Variants in NDST4 observed in about 807,000 individuals in gnomAD.
NDST4 encodes N-deacetylase and N-sulfotransferase 4.
In NDST4, 63 loss-of-function variants were observed where a neutral mutation model predicts 100.8. That is an observed-to-expected ratio of 0.62 (90% CI 0.51 to 0.77). NDST4 has a LOEUF of 0.77. NDST4 is among the 30% of genes least tolerant of loss of function. The pLI, the probability that NDST4 is intolerant of heterozygous loss-of-function variation, is 0.00. For synonymous variants in NDST4, 377 were observed against 361.8 expected (o/e 1.04, Z -0.48); for missense variants, 943 against 1,018.4 (o/e 0.93, Z 1.01).
At chr4:115,073,077 GCTAA>G (rs1401313692) in intron 2 of NDST4, among the ~76,000 whole-genome samples, 15 of 151,758 alleles carry the variant, frequency 9.9e-5, no homozygotes, top group African/African-American at 2.4e-5. Context: ...AAATAACATC[GCTAA>G]CTATCAGGGA....
At chr4:114,869,536 A>C (rs533238944) in intron 7 of NDST4, among the ~76,000 whole-genome samples, 1 of 152,238 alleles carries the variant, frequency 6.6e-6, no homozygotes, top group South Asian at 2.1e-4. Context: ...GTGTGTTGAT[A>C]TATGCGCATA....
At chr4:115,026,592 T>C (rs140331719) in intron 2 of NDST4, among the ~76,000 whole-genome samples, 38 of 152,000 alleles carry the variant, frequency 2.5e-4, no homozygotes, top group African/African-American at 8.2e-4. Flanking sequence ...TAATTTACTC[T>C]CCAGTTCCCT....
intron 6 of NDST4, among the ~76,000 whole-genome samples, chr4:114,886,150 A>T (rs1390160791): frequency 6.6e-6 from 1 of 152,128 alleles, no homozygotes; most frequent in Non-Finnish European, 1.5e-5. Context: ...TTAAATGGTG[A>T]ACAATATATT....
intron 4 of NDST4, among the ~76,000 whole-genome samples, chr4:114,961,006 G>C (rs1037495561): frequency 1.3e-5 from 2 of 152,112 alleles, no homozygotes; most frequent in African/African-American, 4.8e-5. Flanking sequence ...GGGAGGAATA[G>C]AGTTATGTAA....
At chr4:114,999,009 G>A (rs890802971) in intron 2 of NDST4, among the ~76,000 whole-genome samples, 1 of 152,076 alleles carries the variant, frequency 6.6e-6, no homozygotes, top group East Asian at 1.9e-4. Flanking sequence ...TAAACTTCAT[G>A]AAGATGAGGT....
At chr4:114,900,644 T>C (rs1483289066) in intron 6 of NDST4, among the ~76,000 whole-genome samples, 1 of 152,174 alleles carries the variant, frequency 6.6e-6, no homozygotes, top group Non-Finnish European at 1.5e-5. Flanking sequence ...CTGAACTATA[T>C]AGCTTAGGTG....
intron 2 of NDST4, among the ~76,000 whole-genome samples, chr4:115,033,361 C>A (rs1255472598): frequency 6.6e-6 from 1 of 151,242 alleles, no homozygotes; most frequent in African/African-American, 2.4e-5. Context: ...AGTGATCTGC[C>A]CACCTCCACC....
At chr4:115,091,751 A>G (rs541254536) in intron 1 of NDST4, among the ~76,000 whole-genome samples, 39 of 152,296 alleles carry the variant, frequency 2.6e-4, no homozygotes, top group Non-Finnish European at 4.0e-4. Flanking sequence ...CTTGCAATGA[A>G]GTATACTCAG....
chr4:114,830,948 T>C (rs1472330743), intron 12 of NDST4, among the ~76,000 whole-genome samples: 1 of 152,226 alleles, frequency 6.6e-6, no homozygotes, highest in African/African-American at 2.4e-5. Flanking sequence ...ATTAGAGACC[T>C]GAACCTTGCA....
chr4:115,047,256 C>T lies in NDST4; in HGVS notation c.978+28803G>A, dbSNP rs142792361. Among the ~76,000 whole-genome samples the T allele has an allele frequency of 1.8e-4, 27 of 152,054 alleles. 1 individual carries two copies. The highest frequency in any genetic ancestry group is 7.2e-4 in the Admixed American group (11 of 15,280). ...ATAAAAATGAGTTTTATGTGTCAAA[C>T]ATTGTGTTTTAACAGTCAATATATT... On this transcript the variant is annotated intron_variant, in intron 2 of 13. Transcript: ENST00000264363.
At chr4:114,954,953 C>A (rs745632385) in intron 4 of NDST4, among the ~76,000 whole-genome samples, 1 of 152,090 alleles carries the variant, frequency 6.6e-6, no homozygotes, top group African/African-American at 2.4e-5. Flanking sequence ...ACCAGCTTTG[C>A]CTTCTACCAA....
chr4:115,097,932 A>G (rs891643769), intron 1 of NDST4, among the ~76,000 whole-genome samples: 1 of 152,176 alleles, frequency 6.6e-6, no homozygotes, highest in Non-Finnish European at 1.5e-5. Flanking sequence ...AACCAGATAT[A>G]AACATGGCAG....
intron 2 of NDST4, among the ~76,000 whole-genome samples, chr4:115,034,972 A>G (rs1170793544): frequency 6.6e-6 from 1 of 152,064 alleles, no homozygotes; most frequent in Non-Finnish European, 1.5e-5. Flanking sequence ...TTACAACCTG[A>G]AAGCTCATTC....
At chr4:114,921,490 T>C (rs1172013790) in intron 6 of NDST4, among the ~76,000 whole-genome samples, 2 of 152,206 alleles carry the variant, frequency 1.3e-5, no homozygotes, top group Non-Finnish European at 2.9e-5. Context: ...GGGCTTCTAA[T>C]ACACCTCAAA....
intron 2 of NDST4, among the ~76,000 whole-genome samples, chr4:115,014,221 A>G (rs572198989): frequency 8.5e-5 from 13 of 152,080 alleles, no homozygotes; most frequent in Admixed American, 6.6e-5. Flanking sequence ...TCTCATGGCT[A>G]TATCAACTCT....
chr4:114,944,797 G>T (rs532474343), intron 4 of NDST4, among the ~76,000 whole-genome samples: 1 of 152,288 alleles, frequency 6.6e-6, no homozygotes, highest in Admixed American at 6.5e-5. Context: ...ATATCCGAAA[G>T]CTTCACATGC....
At chr4:115,039,875 A>G (rs1446353561) in intron 2 of NDST4, among the ~76,000 whole-genome samples, 1 of 152,142 alleles carries the variant, frequency 6.6e-6, no homozygotes, top group African/African-American at 2.4e-5. Flanking sequence ...CAACACTGAG[A>G]ATAATAAAAG....
intron 10 of NDST4, among the ~76,000 whole-genome samples, chr4:114,841,671 T>C (rs74611695): frequency 0.11 from 16,591 of 152,218 alleles, 939 homozygotes; most frequent in Middle Eastern, 0.15. Context: ...AATTTATAAC[T>C]TTAAGGCTTC....
At position 114,933,453 on chromosome 4, in the gene NDST4, T is replaced by TTTTTTTTTTTTTTTTTTTTTG. The variant is rs1299578963; in HGVS notation, c.1536+1752_1536+1753insCAAAAAAAAAAAAAAAAAAAA. 2.1e-4 allele frequency among the ~76,000 whole-genome samples: 29 copies of TTTTTTTTTTTTTTTTTTTTTG among 141,066 alleles called. 1 individual carries two copies. In the East Asian group the frequency reaches 3.6e-3, roughly 17 times the overall value. The allele number at this position is 141,066 out of a possible 152,430, so 92.5% of individuals were successfully genotyped here. A position where few individuals can be genotyped will look rare whatever the true frequency, so the allele number is the denominator to read the frequency against. On this transcript the variant is annotated intron_variant, in intron 6 of 13. Transcript: ENST00000264363. ...TTTCCTTTTTTTTTTTTTTTTTTTT[T>TTTTTTTTTTTTTTTTTTTTTG]TGTGTGTAAAAACCCAAAAGCCCAG...
Sources: gnomAD v4.1 joint callset for allele counts (sites outside exome capture counted in the v4.1 genomes callset) on GRCh38, gnomAD v4.1.1 for gene constraint, MANE v1.5 for transcripts, NCBI Gene and HGNC (gene_info 2026-07-23, HGNC 2026-07-21) for gene names.